The following KCNIP1 variants were observed in gnomAD, a reference collection of about 807,000 sequenced individuals.
KCNIP1 encodes the protein potassium voltage-gated channel interacting protein 1.
KCNIP1 carries 18 observed loss-of-function variants against 33.0 expected under a neutral mutation model. The observed-to-expected ratio is 0.55, with a 90% CI of 0.38 to 0.81. The LOEUF (loss-of-function observed/expected upper bound fraction) is 0.81. Ranked by LOEUF, KCNIP1 falls within the 30% of genes least tolerant of loss-of-function variation. The pLI, the probability that KCNIP1 is intolerant of heterozygous loss-of-function variation, is 0.00. For missense variants in KCNIP1, 238 were observed against 271.6 expected (o/e 0.88, Z 0.87); for synonymous variants, 93 against 98.3 (o/e 0.95, Z 0.32).
intron 1 of KCNIP1, among the ~76,000 whole-genome samples, chr5:170,628,552 C>G (rs1346655552): frequency 2.6e-5 from 4 of 152,142 alleles, no homozygotes; most frequent in African/African-American, 9.7e-5. Context: ...GAGGAATCTG[C>G]TAGGAACACT....
chr5:170,438,505 C>T lies in KCNIP1; in HGVS notation c.88+84541C>T, dbSNP rs73800675. On this transcript the variant is annotated intron_variant, in intron 1 of 7. Coordinates refer to the KCNIP1 transcript ENST00000377360. ...TTCTAAAATAAAATTTAAAAATTGC[C>T]CACGGACCTGCCCAGCTTAAAGCCT... Among the ~76,000 whole-genome samples the T allele has an allele frequency of 8.3e-3, 1,261 of 152,228 alleles. 17 individuals are homozygous for T. The highest frequency in any genetic ancestry group is 0.029 in the African/African-American group (1,210 of 41,534).
intron 1 of KCNIP1, among the ~76,000 whole-genome samples, chr5:170,649,628 A>G (rs1327033630): frequency 6.6e-6 from 1 of 152,132 alleles, no homozygotes; most frequent in Non-Finnish European, 1.5e-5. Flanking sequence ...TGTGGGAAGT[A>G]TTTTTCAAAT....
chr5:170,718,237 T>C (rs1208675653), intron 1 of KCNIP1, among the ~76,000 whole-genome samples: 2 of 152,196 alleles, frequency 1.3e-5, no homozygotes, highest in African/African-American at 4.8e-5. Flanking sequence ...ACGCTGTAAA[T>C]ACATTCAGAT....
chr5:170,731,740 C>T (rs1219146746), intron 5 of KCNIP1, among the ~76,000 whole-genome samples: 1 of 147,926 alleles, frequency 6.8e-6, no homozygotes, highest in Non-Finnish European at 1.5e-5. Flanking sequence ...GAAACTCATA[C>T]AGATTAGAAG....
chr5:170,514,000 T>A (rs895067293), intron 1 of KCNIP1, among the ~76,000 whole-genome samples: 1 of 152,182 alleles, frequency 6.6e-6, no homozygotes, highest in Non-Finnish European at 1.5e-5. Context: ...CTTGATTGGC[T>A]AGTGATTAGT....
chr5:170,404,598 G>A (rs1008956110), intron 1 of KCNIP1, among the ~76,000 whole-genome samples: 4 of 152,134 alleles, frequency 2.6e-5, no homozygotes, highest in Non-Finnish European at 5.9e-5. Context: ...CAGGCTAGAC[G>A]AGCCTGTTCT....
intron 1 of KCNIP1, among the ~76,000 whole-genome samples, chr5:170,589,813 C>CGGTGCGGTGCGGTGT (rs1327460150): frequency 1.3e-5 from 2 of 150,100 alleles, no homozygotes. Flanking sequence ...CGGTGCGGTG[C>CGGTGCGGTGCGGTGT]GGTGTGGTGT....
chr5:170,598,718 C>T (rs894208822), intron 1 of KCNIP1, among the ~76,000 whole-genome samples: 1 of 151,992 alleles, frequency 6.6e-6, no homozygotes, highest in East Asian at 1.9e-4. Flanking sequence ...TTCAGAAGGG[C>T]CCTCTCGAGA....
chr5:170,603,504 C>T (rs945890024), intron 1 of KCNIP1, among the ~76,000 whole-genome samples: 1 of 152,090 alleles, frequency 6.6e-6, no homozygotes, highest in Non-Finnish European at 1.5e-5. Flanking sequence ...ATGCCAACCC[C>T]GGATGCACAG....
intron 1 of KCNIP1, among the ~76,000 whole-genome samples, chr5:170,447,425 G>C (rs1756148572): frequency 1.3e-5 from 2 of 152,160 alleles, no homozygotes; most frequent in Non-Finnish European, 2.9e-5. Context: ...CAGCTATGGT[G>C]AGCCTAAATG....
At chr5:170,383,428 A>G in intron 1 of KCNIP1, 1 of 605,730 alleles carries the variant, frequency 1.7e-6, no homozygotes, top group Non-Finnish European at 2.9e-6. Flanking sequence ...TCCACTTTAC[A>G]AGGGTGGAAA....
intron 1 of KCNIP1, among the ~76,000 whole-genome samples, chr5:170,578,694 A>G (rs1757689466): frequency 6.6e-6 from 1 of 152,246 alleles, no homozygotes; most frequent in Admixed American, 6.5e-5. Context: ...AAGGAGATGG[A>G]CAATAGACAA....
chr5:170,462,285 A>C (rs1478944107), intron 1 of KCNIP1, among the ~76,000 whole-genome samples: 2 of 149,334 alleles, frequency 1.3e-5, no homozygotes, highest in South Asian at 2.1e-4. Flanking sequence ...AAAAAAAAAA[A>C]CTACCAAAAA....
chr5:170,380,752 A>C (rs1329689751), intron 1 of KCNIP1, among the ~76,000 whole-genome samples: 2 of 152,168 alleles, frequency 1.3e-5, no homozygotes, highest in African/African-American at 2.4e-5. Context: ...AATGCCTCTG[A>C]CTGTGACCTT....
chr5:170,626,913 C>A (rs1283751495), intron 1 of KCNIP1, among the ~76,000 whole-genome samples: 1 of 152,196 alleles, frequency 6.6e-6, no homozygotes, highest in African/African-American at 2.4e-5. Flanking sequence ...TGCTCACTTC[C>A]CAGGCTCTCT....
intron 1 of KCNIP1, among the ~76,000 whole-genome samples, chr5:170,401,134 T>C (rs1292483043): frequency 6.6e-6 from 1 of 152,160 alleles, no homozygotes; most frequent in Non-Finnish European, 1.5e-5. Flanking sequence ...CCAGAGACTC[T>C]CTCTGAGCCA....
intron 1 of KCNIP1, among the ~76,000 whole-genome samples, chr5:170,568,533 C>T (rs748031532): frequency 6.6e-6 from 1 of 150,610 alleles, no homozygotes; most frequent in African/African-American, 2.4e-5. Flanking sequence ...AAAGTTCATG[C>T]CGGGTGCAGT....
chr5:170,653,712 C>T (rs564031954), intron 1 of KCNIP1, among the ~76,000 whole-genome samples: 40 of 151,644 alleles, frequency 2.6e-4, no homozygotes, highest in Non-Finnish European at 5.1e-4. Flanking sequence ...CTGCTTGTTT[C>T]CCTTTACCTG....
intron 1 of KCNIP1, among the ~76,000 whole-genome samples, chr5:170,394,931 T>C (rs1036537440): frequency 1.3e-5 from 2 of 152,250 alleles, no homozygotes; most frequent in African/African-American, 4.8e-5. Context: ...CATGATTTCA[T>C]CCTTTGTTAT....
Sources: gnomAD v4.1 joint callset for allele counts (sites outside exome capture counted in the v4.1 genomes callset) on GRCh38, gnomAD v4.1.1 for gene constraint, MANE v1.5 for transcripts, NCBI Gene and HGNC (gene_info 2026-07-23, HGNC 2026-07-21) for gene names.